LINGO2: variants seen among roughly 807,000 people sequenced by gnomAD.
LINGO2 encodes the protein leucine rich repeat and Ig domain containing 2, also known as leucine-rich repeat and immunoglobulin-like domain-containing nogo receptor-interacting protein 2.
LINGO2 carries 14 observed loss-of-function variants against 30.6 expected under a neutral mutation model. The ratio of observed to expected loss-of-function variants is 0.46; its 90% CI spans 0.30 to 0.72. The LOEUF is 0.72. Ranked by LOEUF, LINGO2 falls within the 30% of genes least tolerant of loss-of-function variation. The pLI, the probability that LINGO2 is intolerant of heterozygous loss-of-function variation, is 0.07. For synonymous variants in LINGO2, 317 were observed against 288.5 expected (o/e 1.10, Z -1.00); for missense variants, 729 against 751.7 (o/e 0.97, Z 0.35).
the LINGO2 span, among the ~76,000 whole-genome samples, chr9:29,148,717 T>C: frequency 1.8e-3 from 274 of 152,302 alleles, 1 homozygote; most frequent in African/African-American, 6.3e-3. Context: ...GTGACATTCA[T>C]TCTACTGGTT....
At chr9:28,772,737 T>C in the LINGO2 span, among the ~76,000 whole-genome samples, 1 of 152,206 alleles carries the variant, frequency 6.6e-6, no homozygotes, top group Non-Finnish European at 1.5e-5. Context: ...CACCTTTCCA[T>C]ATGATACTTG....
chr9:28,979,108 T>G, the LINGO2 span, among the ~76,000 whole-genome samples: 2 of 152,086 alleles, frequency 1.3e-5, no homozygotes, highest in African/African-American at 4.8e-5. Flanking sequence ...TCTCTTCCTT[T>G]CTGTCTCGGG....
the LINGO2 span, among the ~76,000 whole-genome samples, chr9:29,104,084 G>A: frequency 6.6e-6 from 1 of 152,062 alleles, no homozygotes; most frequent in East Asian, 1.9e-4. Flanking sequence ...AATTTCCATT[G>A]CAACACGAAA....
rs116167228 is a variant in LINGO2, at chr9:28,028,459, C to T, written c.-86-16054G>A. Among the ~76,000 whole-genome samples the T allele has an allele frequency of 5.2e-3, 785 of 152,182 alleles. 9 individuals carry two copies. Among genetic ancestry groups the T allele is most frequent in the African/African-American group, 0.017 (713 of 41,552 alleles). On this transcript the variant is annotated intron_variant, in intron 4 of 5. Transcript: ENST00000379992. ...AGTAGGATTTAGGTTTCTATAGATG[C>T]TATACTTGCTCATATACAAATGTAT...
intron 1 of LINGO2, among the ~76,000 whole-genome samples, chr9:28,627,273 A>G (rs1826723599): frequency 6.6e-6 from 1 of 152,024 alleles, no homozygotes; most frequent in Non-Finnish European, 1.5e-5. Context: ...TTTAATGTTG[A>G]GCAGACTCAG....
chr9:28,743,904 CCTTTT>C, the LINGO2 span, among the ~76,000 whole-genome samples: 1 of 151,284 alleles, frequency 6.6e-6, no homozygotes, highest in Non-Finnish European at 1.5e-5. Flanking sequence ...ATTTTTCTGT[CCTTTT>C]CTTTCTCTTC....
chr9:28,473,389 C>G (rs1051744717), intron 2 of LINGO2, among the ~76,000 whole-genome samples: 4 of 151,498 alleles, frequency 2.6e-5, no homozygotes, highest in Admixed American at 6.6e-5. Context: ...GATAAAATAT[C>G]TAGAGCCTCT....
At chr9:28,908,168 C>G in the LINGO2 span, among the ~76,000 whole-genome samples, 1 of 151,584 alleles carries the variant, frequency 6.6e-6, no homozygotes, top group African/African-American at 2.4e-5. Context: ...CACACACACA[C>G]ACACATACAA....
chr9:29,150,744 C>T, the LINGO2 span, among the ~76,000 whole-genome samples: 10 of 152,160 alleles, frequency 6.6e-5, no homozygotes, highest in South Asian at 2.1e-4. Flanking sequence ...CTGAGAAATA[C>T]GGGATTTCAT....
chr9:28,206,578 T>C (rs543011979), intron 4 of LINGO2, among the ~76,000 whole-genome samples: 2 of 152,198 alleles, frequency 1.3e-5, no homozygotes, highest in Non-Finnish European at 2.9e-5. Context: ...TCTATGGTTT[T>C]CTGCAATCTT....
the LINGO2 span, among the ~76,000 whole-genome samples, chr9:28,807,345 C>A: frequency 6.6e-6 from 1 of 152,058 alleles, no homozygotes; most frequent in Non-Finnish European, 1.5e-5. Flanking sequence ...ATTTTAAAAT[C>A]AAGAGCAAGA....
At chr9:28,878,759 G>A in the LINGO2 span, among the ~76,000 whole-genome samples, 1 of 152,160 alleles carries the variant, frequency 6.6e-6, no homozygotes, top group African/African-American at 2.4e-5. Context: ...CTCAATAGAT[G>A]CAGAAAAGGC....
At chr9:28,903,873 G>T in the LINGO2 span, among the ~76,000 whole-genome samples, 1 of 151,394 alleles carries the variant, frequency 6.6e-6, no homozygotes, top group Non-Finnish European at 1.5e-5. Context: ...ATCCAATGGG[G>T]CCTGCATTTG....
chr9:28,781,953 T>C, the LINGO2 span, among the ~76,000 whole-genome samples: 1 of 152,212 alleles, frequency 6.6e-6, no homozygotes, highest in African/African-American at 2.4e-5. Flanking sequence ...TTAAACCAAG[T>C]TTGAATTACA....
At chr9:27,977,622 A>G (rs1308141809) in intron 5 of LINGO2, among the ~76,000 whole-genome samples, 2 of 151,936 alleles carry the variant, frequency 1.3e-5, no homozygotes, top group African/African-American at 2.4e-5. Flanking sequence ...TGAGCATACT[A>G]AACAGCAGCA....
chr9:28,967,716 G>T, the LINGO2 span, among the ~76,000 whole-genome samples: 1 of 152,156 alleles, frequency 6.6e-6, no homozygotes, highest in Non-Finnish European at 1.5e-5. Flanking sequence ...ACATAGTCTT[G>T]TCAGACAAGG....
the LINGO2 span, among the ~76,000 whole-genome samples, chr9:28,992,158 A>G: frequency 6.6e-6 from 1 of 151,986 alleles, no homozygotes. Context: ...TCAAAATAAA[A>G]GGATGGAGGA....
At chr9:28,643,965 A>G (rs62548893) in intron 1 of LINGO2, among the ~76,000 whole-genome samples, 13,713 of 152,122 alleles carry the variant, frequency 0.09, 878 homozygotes, top group Admixed American at 0.22. Context: ...GAGAAATGCA[A>G]GCCAAAACTC....
chr9:28,478,902 A>G (rs1360356921), intron 1 of LINGO2, among the ~76,000 whole-genome samples: 10 of 152,076 alleles, frequency 6.6e-5, no homozygotes, highest in Admixed American at 3.9e-4. Context: ...CCAATATTTG[A>G]GCTAACTTCT....
Sources: allele counts gnomAD v4.1 joint callset (sites outside exome capture counted in the v4.1 genomes callset), GRCh38; gene constraint gnomAD v4.1.1; transcripts MANE v1.5; gene names NCBI Gene and HGNC (gene_info 2026-07-23, HGNC 2026-07-21).